The following FBXO38 variants were observed in gnomAD, a reference collection of about 807,000 sequenced individuals.
FBXO38 encodes the protein F-box protein 38.
In FBXO38, 53 loss-of-function variants were observed where a neutral mutation model predicts 131.9. The ratio of observed to expected loss-of-function variants is 0.40; its 90% CI spans 0.32 to 0.51. FBXO38 has a LOEUF of 0.51. FBXO38 is among the 20% of genes least tolerant of loss of function. FBXO38 has a pLI of 0.53. For synonymous variants in FBXO38, 452 were observed against 505.6 expected (o/e 0.89, Z 1.42); for missense variants, 1,076 against 1,475.6 (o/e 0.73, Z 4.44).
Position 148,438,433 on chromosome 5 carries a change from C to A in FBXO38, c.2959C>A (p.Leu987Ile), listed in dbSNP as rs1389462512. The part of the protein sequence containing the change: ...QCKKLNMDQV[L>I]DQILRMPPER... Reference sequence around the variant, plus strand: ...CAAGAAACTGAACATGGATCAGGTACTAGACCAGATACTAAGAATGCCACC... The same window carrying A: ...CAAGAAACTGAACATGGATCAGGTAATAGACCAGATACTAAGAATGCCACC... The change falls in exon 18 of 22, where the codon CTA becomes ATA. Residue 987 changes from leucine to isoleucine, a missense_variant. Transcript: ENST00000340253. 2 of 1,613,782 alleles carry A rather than the reference C, an allele frequency of 1.2e-6. No individual in the cohort carries two copies. The highest frequency in any genetic ancestry group is 2.2e-5 in the East Asian group (1 of 44,894).
intron 2 of FBXO38, among the ~76,000 whole-genome samples, chr5:148,398,748 A>C (rs1284760069): frequency 1.3e-5 from 2 of 151,832 alleles, no homozygotes; most frequent in Non-Finnish European, 2.9e-5. Flanking sequence ...GAAAACTCAA[A>C]AGAAGAAAGG....
intron 8 of FBXO38, 85 bp downstream of exon 8, chr5:148,409,302 G>GTA (rs1752619217): frequency 1.2e-6 from 1 of 835,212 alleles, no homozygotes. Context: ...GAATGTGTGT[G>GTA]TATATATGTG....
rs981577222 is a variant in FBXO38 at position 148,409,254 on chromosome 5, A to G, written c.962+37A>G. On this transcript the variant is annotated intron_variant, in intron 8 of 21. Transcript: ENST00000340253. ...CTTTGTATTGTGTCTCTCACTTTAG[A>G]AGTAATTATGTTTTTCCCTATTTTA... 1.2e-5 allele frequency: 16 copies of G among 1,330,426 alleles called. No individual in the cohort carries two copies. In the African/African-American group the frequency reaches 2.3e-4, roughly 19 times the overall value. 82.4% of individuals were successfully genotyped at this position (1,330,426 alleles called of 1,614,324 possible). A position where few individuals can be genotyped will look rare whatever the true frequency, so the allele number is the denominator to read the frequency against.
intron 5 of FBXO38, 103 bp from the exon 6 acceptor site, chr5:148,404,582 T>C: frequency 1.0e-6 from 1 of 985,728 alleles, no homozygotes; most frequent in Non-Finnish European, 1.4e-6. Context: ...TCCTTGAAGG[T>C]TAAGCTGTTA....
chr5:148,441,515 A>G (rs1754683230), intron 21 of FBXO38: 2 of 262,366 alleles, frequency 7.6e-6, no homozygotes, highest in Non-Finnish European at 1.4e-5. Flanking sequence ...TATTTATTAA[A>G]TAACTTCAAC....
At position 148,425,623 on chromosome 5, in the gene FBXO38, A is replaced by T; in HGVS notation, c.1840A>T (p.Ile614Phe). The change falls in exon 14 of 22, where the codon ATT becomes TTT. Residue 614 changes from isoleucine (I) to phenylalanine (F), a missense_variant. Ile to Phe is a conservative substitution (Grantham distance 21). Around this residue, in one of 8 missense-constraint regions of FBXO38, gnomAD observed 212 missense variants for 221.2 expected, o/e 0.96. Transcript: ENST00000340253. ...TAGTCTAGAACTCCAAGAAGTCTGGATTCCTAAGAACGGTACTCGGCGTTA... is the reference window on the plus strand; with the variant it reads ...TAGTCTAGAACTCCAAGAAGTCTGGTTTCCTAAGAACGGTACTCGGCGTTA... ...EDSLELQEVWIPKNGTRRYSE... is the reference protein window; with the variant it reads ...EDSLELQEVWFPKNGTRRYSE... 1 of 1,614,024 alleles carries T rather than the reference A, an allele frequency of 6.2e-7. No homozygotes were observed. Among genetic ancestry groups the T allele is most frequent in the South Asian group, 1.1e-5 (1 of 91,072 alleles).
intron 1 of FBXO38, among the ~76,000 whole-genome samples, chr5:148,386,233 T>TCCA (rs1757907743): frequency 6.6e-6 from 1 of 152,172 alleles, no homozygotes. Flanking sequence ...GGCATTGCTC[T>TCCA]GGAATGCAGG....
intron 15 of FBXO38, among the ~76,000 whole-genome samples, chr5:148,430,960 C>T (rs547201307): frequency 3.9e-4 from 59 of 152,306 alleles, no homozygotes; most frequent in Middle Eastern, 3.4e-3. Flanking sequence ...TTCCCTGACA[C>T]CCCAAGACTG....
In FBXO38 at chr5:148,406,118, CAAG is replaced by C. The variant is rs1163866047; in HGVS notation, c.731-136_731-134del. 14 of 752,630 alleles carry C rather than the reference CAAG, an allele frequency of 1.9e-5. No homozygotes were observed. The African/African-American group carries it at 2.5e-4, about 14-fold the overall frequency. The allele number at this position is 752,630 out of a possible 1,614,324, so 46.6% of individuals were successfully genotyped here. A position where few individuals can be genotyped will look rare whatever the true frequency, so the allele number is the denominator to read the frequency against. On this transcript the variant is annotated intron_variant, in intron 6 of 21. Coordinates refer to ENST00000340253, the MANE Select transcript of FBXO38 (RefSeq NM_205836.3). The stretch of plus-strand genomic sequence containing the variant: ...AATAGGCTAACACTTTCATTTGTAA[CAAG>C]AACCTGATTTCAGAGAGCCAATTTG...
At chr5:148,394,139 G>T (rs756290000) in intron 1 of FBXO38, among the ~76,000 whole-genome samples, 3 of 152,002 alleles carry the variant, frequency 2.0e-5, no homozygotes, top group Non-Finnish European at 4.4e-5. Flanking sequence ...TATTTTTTAG[G>T]AGTTCTCTAG....
In FBXO38 at chr5:148,402,800, A is replaced by G. The variant is rs553872985; in HGVS notation, c.592+287A>G. Among the ~76,000 whole-genome samples, 7 of 152,252 alleles carry G rather than the reference A, an allele frequency of 4.6e-5. No individual in the cohort carries two copies. The East Asian group carries it at 1.4e-3, about 29-fold the overall frequency. The stretch of plus-strand genomic sequence containing the variant: ...GTGTAAATATTTTCTCAAATTTGTC[A>G]CCTTTGGCTTAGGCCACTGAAAGGA... On this transcript the variant is annotated intron_variant, in intron 5 of 21. Coordinates refer to ENST00000340253, the MANE Select transcript of FBXO38 (RefSeq NM_205836.3).
intron 8 of FBXO38, 55 bp downstream of exon 8, chr5:148,409,272 C>G: frequency 4.1e-6 from 5 of 1,205,132 alleles, no homozygotes; most frequent in Admixed American, 1.7e-5. Flanking sequence ...ATGTTTTTCC[C>G]TATTTTACAA....
chr5:148,417,240 G>T (rs1260340191), intron 12 of FBXO38, 36 bp downstream of exon 12: 6 of 1,371,504 alleles, frequency 4.4e-6, no homozygotes, highest in Non-Finnish European at 6.2e-6. Context: ...AGATAGAAAT[G>T]ATTTTCACTT....
chr5:148,387,455 A>G (rs911984183), intron 1 of FBXO38, among the ~76,000 whole-genome samples: 4 of 152,062 alleles, frequency 2.6e-5, no homozygotes, highest in Non-Finnish European at 5.9e-5. Context: ...GTTGTTTATT[A>G]TTTCAATCCT....
chr5:148,421,968 T>C (rs937805699), intron 12 of FBXO38, among the ~76,000 whole-genome samples: 1 of 152,200 alleles, frequency 6.6e-6, no homozygotes, highest in Admixed American at 6.5e-5. Flanking sequence ...CCAACTCTTG[T>C]TGAATGTCTC....
In FBXO38 at chr5:148,404,719, G is replaced by A; in HGVS notation, c.627G>A (p.Met209Ile). ...VNVPEIPCIPMLRHLYMKWVR... is the reference protein window; with the variant it reads ...VNVPEIPCIPILRHLYMKWVR... ...TTCCTGAAATTCCTTGTATCCCAAT[G>A]CTAAGGCACCTTTATATGAAGTGGG... The change falls in exon 6 of 22, where the codon ATG becomes ATA. Residue 209 changes from methionine (M) to isoleucine (I), a missense_variant. Coordinates refer to ENST00000340253, the MANE Select transcript of FBXO38 (RefSeq NM_205836.3). 1.3e-6 allele frequency: 2 copies of A among 1,598,190 alleles called. No individual in the cohort carries two copies. The highest frequency in any genetic ancestry group is 1.7e-6 in the Non-Finnish European group (2 of 1,173,888).
At chr5:148,410,447 TCAGCCA>T in intron 8 of FBXO38, 182 bp from the exon 9 acceptor site, 1 of 632,388 alleles carries the variant, frequency 1.6e-6, no homozygotes. Context: ...CTTTTTGCCT[TCAGCCA>T]TGTTCGTGAG....
intron 3 of FBXO38, among the ~76,000 whole-genome samples, chr5:148,400,125 A>T (rs1752059556): frequency 6.6e-6 from 1 of 152,060 alleles, no homozygotes; most frequent in Non-Finnish European, 1.5e-5. Flanking sequence ...CTTTCTTATA[A>T]AGAACATTGC....
At chr5:148,429,693 G>T (rs1179112049) in intron 15 of FBXO38, among the ~76,000 whole-genome samples, 1 of 152,090 alleles carries the variant, frequency 6.6e-6, no homozygotes, top group East Asian at 1.9e-4. Context: ...TGTTATGTTT[G>T]TCGTTTTACT....
Sources: allele counts gnomAD v4.1 joint callset (sites outside exome capture counted in the v4.1 genomes callset), GRCh38; gene constraint gnomAD v4.1.1; regional missense constraint gnomAD v4.1.1; transcripts MANE v1.5; gene names NCBI Gene and HGNC (gene_info 2026-07-23, HGNC 2026-07-21).